GNA14: variants seen among roughly 807,000 people sequenced by gnomAD.
The protein encoded by GNA14 is guanine nucleotide-binding protein subunit alpha-14.
Under a neutral mutation model 42.0 loss-of-function variants are expected in GNA14, and 50 were observed. That is an observed-to-expected ratio of 1.19 (90% CI 0.95 to 1.51). The LOEUF (loss-of-function observed/expected upper bound fraction) is 1.51. GNA14 is among the 40% of genes most tolerant of loss of function. GNA14 has a pLI of 0.00. For missense variants in GNA14, 473 were observed against 446.2 expected (o/e 1.06, Z -0.54); for synonymous variants, 173 against 163.1 (o/e 1.06, Z -0.46).
At chr9:77,637,658 A>G (rs1428395989) in intron 1 of GNA14, among the ~76,000 whole-genome samples, 1 of 152,074 alleles carries the variant, frequency 6.6e-6, no homozygotes, top group Non-Finnish European at 1.5e-5. Flanking sequence ...GGAGTTCAAA[A>G]CCAGCCTGGG....
intron 1 of GNA14, among the ~76,000 whole-genome samples, chr9:77,560,416 G>A (rs551289596): frequency 6.6e-6 from 1 of 151,672 alleles, no homozygotes; most frequent in South Asian, 2.1e-4. Context: ...AGCCTCCCAG[G>A]TAGCTGGGAC....
At chr9:77,484,869 T>TA (rs889518762) in intron 2 of GNA14, among the ~76,000 whole-genome samples, 6 of 152,180 alleles carry the variant, frequency 3.9e-5, no homozygotes, top group Admixed American at 1.3e-4. Context: ...GCATTATATC[T>TA]AAAAAAACAC....
At chr9:77,574,195 GC>G (rs1367010911) in intron 1 of GNA14, among the ~76,000 whole-genome samples, 1 of 152,176 alleles carries the variant, frequency 6.6e-6, no homozygotes, top group Non-Finnish European at 1.5e-5. Flanking sequence ...AGTGAGGCAA[GC>G]TGCCACTGAA....
chr9:77,472,753 A>G (rs993447633), intron 2 of GNA14, among the ~76,000 whole-genome samples: 6 of 150,946 alleles, frequency 4.0e-5, no homozygotes, highest in African/African-American at 1.5e-4. Flanking sequence ...TCACGATGGG[A>G]TTAGTTTCCT....
At chr9:77,581,860 G>C (rs1823229585) in intron 1 of GNA14, among the ~76,000 whole-genome samples, 1 of 152,124 alleles carries the variant, frequency 6.6e-6, no homozygotes, top group Non-Finnish European at 1.5e-5. Flanking sequence ...TAAATACAGG[G>C]AGGACGGGCC....
intron 2 of GNA14, among the ~76,000 whole-genome samples, chr9:77,450,870 A>G (rs1354355012): frequency 2.0e-5 from 3 of 151,896 alleles, no homozygotes; most frequent in Non-Finnish European, 4.4e-5. Context: ...GGCTCACAAG[A>G]TCTGACGGTT....
chr9:77,490,985 A>C (rs1256061012), intron 2 of GNA14, among the ~76,000 whole-genome samples: 1 of 152,386 alleles, frequency 6.6e-6, no homozygotes, highest in South Asian at 2.1e-4. Context: ...GAAAAGAAGC[A>C]AATAAAATAT....
intron 2 of GNA14, among the ~76,000 whole-genome samples, chr9:77,488,403 T>G (rs1029201927): frequency 6.6e-6 from 1 of 152,170 alleles, no homozygotes; most frequent in Non-Finnish European, 1.5e-5. Context: ...GGAAGCATCA[T>G]GAGCGCCTGA....
chr9:77,542,533 T>C (rs1421560086), intron 1 of GNA14, among the ~76,000 whole-genome samples: 1 of 152,194 alleles, frequency 6.6e-6, no homozygotes, highest in East Asian at 1.9e-4. Flanking sequence ...GCTCACATGC[T>C]GGTGGTGGCA....
intron 1 of GNA14, among the ~76,000 whole-genome samples, chr9:77,627,593 G>A (rs538623816): frequency 1.3e-4 from 20 of 152,158 alleles, no homozygotes; most frequent in Admixed American, 2.6e-4. Flanking sequence ...TTCAACATAC[G>A]CAAATTAATA....
At chr9:77,529,949 T>C (rs1462998962) in intron 1 of GNA14, among the ~76,000 whole-genome samples, 1 of 152,230 alleles carries the variant, frequency 6.6e-6, no homozygotes, top group South Asian at 2.1e-4. Flanking sequence ...AGTTGCAGTA[T>C]AAGTGATAGC....
intron 1 of GNA14, among the ~76,000 whole-genome samples, chr9:77,602,769 A>G (rs1932074): frequency 0.62 from 94,767 of 151,982 alleles, 31,903 homozygotes; most frequent in East Asian, 0.8. Flanking sequence ...AAACTTTATC[A>G]GGGCCGGCCT....
chr9:77,436,427 C>A (rs139259687), intron 2 of GNA14, among the ~76,000 whole-genome samples: 26 of 152,306 alleles, frequency 1.7e-4, no homozygotes, highest in Admixed American at 3.9e-4. Context: ...ACTATTGTAG[C>A]AGATGTCTAA....
intron 2 of GNA14, among the ~76,000 whole-genome samples, chr9:77,478,826 T>C (rs983467777): frequency 3.3e-5 from 5 of 152,218 alleles, no homozygotes; most frequent in Non-Finnish European, 7.3e-5. Flanking sequence ...TTAATGTCTT[T>C]TTTTGAGAAG....
rs1368541610 is a variant in GNA14 at position 77,615,866 on chromosome 9, G to GT, written c.124+31803_124+31804insA. Among the ~76,000 whole-genome samples, 758 of 138,856 alleles carry GT rather than the reference G, an allele frequency of 5.5e-3. 10 individuals carry two copies. The highest frequency in any genetic ancestry group is 0.023 in the African/African-American group (723 of 32,084). The allele number at this position is 138,856 out of a possible 152,430, so 91.1% of individuals were successfully genotyped here. On this transcript the variant is annotated intron_variant, in intron 1 of 6. Coordinates refer to ENST00000341700, the MANE Select transcript of GNA14 (RefSeq NM_004297.4). ...TGGTTTTTGTTTTTTTGTTTTTTGG[G>GT]GTTTTTTTTTTGGAGAAATCCCAAA...
At chr9:77,603,331 A>C (rs1019607533) in intron 1 of GNA14, among the ~76,000 whole-genome samples, 1 of 152,126 alleles carries the variant, frequency 6.6e-6, no homozygotes, top group Non-Finnish European at 1.5e-5. Flanking sequence ...ATCTGGCATC[A>C]AGGGTCAGGA....
chr9:77,589,382 G>A (rs1310192386), intron 1 of GNA14, among the ~76,000 whole-genome samples: 3 of 152,176 alleles, frequency 2.0e-5, no homozygotes, highest in Admixed American at 6.5e-5. Flanking sequence ...AATGGAGTGA[G>A]CTCGGTTTTC....
intron 2 of GNA14, among the ~76,000 whole-genome samples, chr9:77,493,202 A>G (rs1266352491): frequency 6.6e-6 from 1 of 151,378 alleles, no homozygotes; most frequent in African/African-American, 2.4e-5. Context: ...AGCCCACACA[A>G]AGTCTTATCT....
chr9:77,560,464 G>C (rs533668184), intron 1 of GNA14, among the ~76,000 whole-genome samples: 1 of 151,848 alleles, frequency 6.6e-6, no homozygotes, highest in Non-Finnish European at 1.5e-5. Flanking sequence ...TAATTATGTT[G>C]TTTTTTGTTT....
Sources: gnomAD v4.1 joint callset for allele counts (sites outside exome capture counted in the v4.1 genomes callset) on GRCh38, gnomAD v4.1.1 for gene constraint, MANE v1.5 for transcripts, NCBI Gene and HGNC (gene_info 2026-07-23, HGNC 2026-07-21) for gene names.